ARHGAP24: variants seen among roughly 807,000 people sequenced by gnomAD.
ARHGAP24 encodes Rho GTPase activating protein 24.
A neutral mutation model predicts 76.4 loss-of-function variants in ARHGAP24; 50 were observed. That is an observed-to-expected ratio of 0.65 (90% CI 0.52 to 0.83). The LOEUF is 0.83. Among genes scored for constraint, ARHGAP24 ranks in the 40% least tolerant of loss-of-function variants. The probability of loss-of-function intolerance (pLI) is 0.00; values close to 1 mark genes in which losing one functional copy is unlikely to be tolerated. For missense variants in ARHGAP24, 930 were observed against 914.2 expected (o/e 1.02, Z -0.22); for synonymous variants, 345 against 323.3 (o/e 1.07, Z -0.72).
intron 5 of ARHGAP24, among the ~76,000 whole-genome samples, chr4:85,946,165 A>G (rs966509811): frequency 2.0e-5 from 3 of 152,152 alleles, no homozygotes; most frequent in African/African-American, 7.2e-5. Context: ...CCATGATTCA[A>G]CCACCTCCCA....
chr4:85,951,712 C>T (rs1202025037), intron 5 of ARHGAP24, among the ~76,000 whole-genome samples: 1 of 152,010 alleles, frequency 6.6e-6, no homozygotes, highest in Admixed American at 6.6e-5. Flanking sequence ...AATATTTTCC[C>T]TGTTGATTCT....
At chr4:85,605,573 A>G (rs1379607560) in intron 2 of ARHGAP24, among the ~76,000 whole-genome samples, 1 of 152,200 alleles carries the variant, frequency 6.6e-6, no homozygotes, top group Non-Finnish European at 1.5e-5. Context: ...AGTCCTTTAA[A>G]CTTATGTAAG....
intron 8 of ARHGAP24, among the ~76,000 whole-genome samples, chr4:85,986,828 A>T (rs1189014772): frequency 6.6e-6 from 1 of 152,160 alleles, no homozygotes. Context: ...CAAAGTCCTG[A>T]TAATGAGGCA....
chr4:85,733,783 G>A (rs6813799), intron 3 of ARHGAP24, among the ~76,000 whole-genome samples: 60,713 of 151,734 alleles, frequency 0.4, 13,525 homozygotes, highest in East Asian at 0.91. Context: ...GACATCAGTT[G>A]CATAGGATTA....
intron 2 of ARHGAP24, among the ~76,000 whole-genome samples, chr4:85,688,638 A>C (rs1244488936): frequency 1.3e-5 from 2 of 152,162 alleles, no homozygotes; most frequent in Non-Finnish European, 2.9e-5. Context: ...GCCAAAAATT[A>C]TTTGCCAAGG....
intron 2 of ARHGAP24, among the ~76,000 whole-genome samples, chr4:85,675,591 G>A (rs1475842548): frequency 6.6e-6 from 1 of 152,154 alleles, no homozygotes; most frequent in African/African-American, 2.4e-5. Flanking sequence ...AAGTTGGTGA[G>A]ATCCGCCTTC....
At chr4:85,626,641 A>T (rs1468969363) in intron 2 of ARHGAP24, among the ~76,000 whole-genome samples, 4 of 152,170 alleles carry the variant, frequency 2.6e-5, no homozygotes, top group East Asian at 1.9e-4. Context: ...ATATTGGGGA[A>T]GTTCTCCTGG....
chr4:85,554,000 G>A (rs2086535), intron 1 of ARHGAP24, among the ~76,000 whole-genome samples: 125,433 of 152,162 alleles, frequency 0.82, 54,098 homozygotes, highest in East Asian at 0.98. Context: ...CTTTTGTAAG[G>A]CATGTCCAGG....
At chr4:85,773,049 A>G (rs1326103760) in intron 3 of ARHGAP24, among the ~76,000 whole-genome samples, 1 of 152,194 alleles carries the variant, frequency 6.6e-6, no homozygotes, top group Non-Finnish European at 1.5e-5. Context: ...TACATAATCA[A>G]TTCTTATAAA....
intron 2 of ARHGAP24, among the ~76,000 whole-genome samples, chr4:85,582,776 G>T (rs900486132): frequency 1.3e-5 from 2 of 151,972 alleles, no homozygotes; most frequent in Admixed American, 6.6e-5. Context: ...CTCAGGTAAT[G>T]GTCTGAATTG....
intron 3 of ARHGAP24, among the ~76,000 whole-genome samples, chr4:85,806,765 G>T (rs553060407): frequency 6.6e-6 from 1 of 152,152 alleles, no homozygotes; most frequent in Non-Finnish European, 1.5e-5. Flanking sequence ...TCTAAGAAGA[G>T]AATGCTAATG....
At chr4:85,921,249 G>C (rs1735706144) in intron 3 of ARHGAP24, among the ~76,000 whole-genome samples, 1 of 152,118 alleles carries the variant, frequency 6.6e-6, no homozygotes, top group Non-Finnish European at 1.5e-5. Context: ...AATGGAGCTG[G>C]AGGCCATTAT....
chr4:85,870,288 C>G (rs1271042588), intron 3 of ARHGAP24, among the ~76,000 whole-genome samples: 1 of 151,998 alleles, frequency 6.6e-6, no homozygotes, highest in East Asian at 1.9e-4. Context: ...CACCTCCTGT[C>G]CTATTGTTAA....
chr4:85,984,487 A>T (rs976955407), intron 8 of ARHGAP24, among the ~76,000 whole-genome samples: 2 of 152,106 alleles, frequency 1.3e-5, no homozygotes, highest in Non-Finnish European at 2.9e-5. Context: ...GTACTAATCT[A>T]ATTTATGAGG....
intron 3 of ARHGAP24, among the ~76,000 whole-genome samples, chr4:85,750,642 C>T (rs915388779): frequency 2.6e-5 from 4 of 151,796 alleles, no homozygotes; most frequent in African/African-American, 4.8e-5. Context: ...ATTACAGGTA[C>T]GCACCACCTC....
chr4:85,756,546 TTAAAAA>T (rs961611055), intron 3 of ARHGAP24, among the ~76,000 whole-genome samples: 1 of 152,244 alleles, frequency 6.6e-6, no homozygotes, highest in African/African-American at 2.4e-5. Flanking sequence ...ATGAGAAGCT[TTAAAAA>T]TATAAGTCAA....
intron 3 of ARHGAP24, among the ~76,000 whole-genome samples, chr4:85,883,027 C>T (rs781194869): frequency 2.0e-5 from 3 of 152,158 alleles, no homozygotes; most frequent in Middle Eastern, 6.8e-3. Context: ...TTAAATGGTC[C>T]CTATCCTGTG....
intron 1 of ARHGAP24, among the ~76,000 whole-genome samples, chr4:85,538,988 T>A (rs754803095): frequency 2.0e-5 from 3 of 152,234 alleles, no homozygotes; most frequent in Non-Finnish European, 4.4e-5. Context: ...TCTGCTAATG[T>A]ACATTTAATT....
chr4:85,979,551 C>T (rs1458085043), intron 8 of ARHGAP24, among the ~76,000 whole-genome samples: 4 of 152,128 alleles, frequency 2.6e-5, no homozygotes, highest in Admixed American at 2.6e-4. Flanking sequence ...TTTGTCTACT[C>T]TAGGTACCTC....
Sources: gnomAD v4.1 joint callset for allele counts (sites outside exome capture counted in the v4.1 genomes callset) on GRCh38, gnomAD v4.1.1 for gene constraint, MANE v1.5 for transcripts, NCBI Gene and HGNC (gene_info 2026-07-23, HGNC 2026-07-21) for gene names.